WDR72: variants seen among roughly 807,000 people sequenced by gnomAD.
WDR72 encodes the protein WD repeat domain 72.
A neutral mutation model predicts 124.2 loss-of-function variants in WDR72; 120 were observed. The observed-to-expected ratio is 0.97, with a 90% CI of 0.83 to 1.12. The LOEUF (loss-of-function observed/expected upper bound fraction) is 1.12. Ranked by LOEUF, WDR72 falls within the 50% of genes most tolerant of loss-of-function variation. The pLI, the probability that WDR72 is intolerant of heterozygous loss-of-function variation, is 0.00. For synonymous variants in WDR72, 452 were observed against 441.7 expected, an observed-to-expected ratio of 1.02 and a Z score of -0.29; for missense variants, 1,387 against 1,278.8, an observed-to-expected ratio of 1.08 and a Z score of -1.29.
chr15:53,615,707 A>T lies in WDR72; in HGVS notation c.2499T>A (p.Ser833=). 1 of 1,612,340 alleles carries T rather than the reference A, an allele frequency of 6.2e-7. No individual in the cohort carries two copies. The highest frequency in any genetic ancestry group is 2.2e-5 in the East Asian group (1 of 44,832). Residue 833 remains serine, a synonymous_variant, in exon 15 of 20, where the codon TCT becomes TCA. Transcript: ENST00000360509. ...KLQGPISLGI[S]LNEDNFSLML... ...TCAGTGAGAAATTATCTTCATTCAAAGAAATTCCCAAAGAAATAGGACCCT... is the reference window on the plus strand; with the variant it reads ...TCAGTGAGAAATTATCTTCATTCAATGAAATTCCCAAAGAAATAGGACCCT...
chr15:53,666,848 G>A (rs909942585), intron 13 of WDR72, among the ~76,000 whole-genome samples: 1 of 152,000 alleles, frequency 6.6e-6, no homozygotes, highest in South Asian at 2.1e-4. Context: ...CTCTTCTATA[G>A]CCTTCTTTTA....
At chr15:53,676,813 C>T (rs911896558) in intron 13 of WDR72, among the ~76,000 whole-genome samples, 3 of 151,884 alleles carry the variant, frequency 2.0e-5, no homozygotes, top group African/African-American at 7.3e-5. Flanking sequence ...TTGTTATACG[C>T]AATAGGAAAT....
chr15:53,760,330 C>A (rs2019038789), upstream of WDR72, among the ~76,000 whole-genome samples: 1 of 151,014 alleles, frequency 6.6e-6, no homozygotes, highest in African/African-American at 2.4e-5. Flanking sequence ...CCCCACCCCC[C>A]ACTACCCTTC....
intron 13 of WDR72, among the ~76,000 whole-genome samples, chr15:53,692,396 C>A (rs190638356): frequency 3.9e-5 from 6 of 152,116 alleles, no homozygotes; most frequent in Admixed American, 3.9e-4. Flanking sequence ...AATAATGAAT[C>A]CTTAGTACAC....
At chr15:53,574,533 T>C (rs1030956225) in intron 18 of WDR72, among the ~76,000 whole-genome samples, 14 of 152,298 alleles carry the variant, frequency 9.2e-5, no homozygotes, top group African/African-American at 3.4e-4. Context: ...AAAATATGTA[T>C]CTCAGAACAA....
At chr15:53,636,892 T>C (rs1455958648) in intron 14 of WDR72, among the ~76,000 whole-genome samples, 1 of 152,222 alleles carries the variant, frequency 6.6e-6, no homozygotes, top group Admixed American at 6.5e-5. Context: ...TTGCATAGTA[T>C]ATAATTAATC....
rs944800143 is a variant in WDR72, at chr15:53,541,397, A to C, written c.3149-18075T>G. Among the ~76,000 whole-genome samples the C allele has an allele frequency of 8.7e-3, 1,325 of 151,432 alleles. 23 individuals are homozygous for C. The highest frequency in any genetic ancestry group is 0.03 in the African/African-American group (1,248 of 41,112). On this transcript the variant is annotated intron_variant, in intron 18 of 19. Transcript: ENST00000360509. ...AGCAGGGGCACACTGATACCTCACA[A>C]GGCAAGGTATTCCAACAGACCTGCA...
chr15:53,683,651 A>C (rs2016481723), intron 13 of WDR72, among the ~76,000 whole-genome samples: 1 of 152,164 alleles, frequency 6.6e-6, no homozygotes, highest in Non-Finnish European at 1.5e-5. Flanking sequence ...TTTTAAAAAC[A>C]CACACACAGA....
At chr15:53,756,067 A>G (rs143585811) in intron 1 of WDR72, among the ~76,000 whole-genome samples, 19 of 152,328 alleles carry the variant, frequency 1.2e-4, no homozygotes, top group African/African-American at 3.8e-4. Context: ...TCTAAAAATC[A>G]TATCAGCTTT....
intron 1 of WDR72, among the ~76,000 whole-genome samples, chr15:53,750,611 G>A (rs569068338): frequency 6.6e-6 from 1 of 152,244 alleles, no homozygotes; most frequent in East Asian, 1.9e-4. Context: ...AGATTCCTCT[G>A]ATATACCTGG....
chr15:53,528,238 C>T (rs1892235129), intron 18 of WDR72, among the ~76,000 whole-genome samples: 1 of 152,054 alleles, frequency 6.6e-6, no homozygotes, highest in African/African-American at 2.4e-5. Flanking sequence ...GTACACATCA[C>T]CCTTACTTTA....
At chr15:53,750,515 C>T (rs1468462831) in intron 1 of WDR72, among the ~76,000 whole-genome samples, 2 of 152,194 alleles carry the variant, frequency 1.3e-5, no homozygotes, top group Admixed American at 1.3e-4. Flanking sequence ...ATCCATTCTA[C>T]AGCCCATGGA....
chr15:53,712,424 G>A (rs945666245), intron 7 of WDR72, among the ~76,000 whole-genome samples: 2 of 151,942 alleles, frequency 1.3e-5, no homozygotes, highest in Admixed American at 6.6e-5. Flanking sequence ...GGTGAAACCC[G>A]GTCTCTCCTA....
intron 14 of WDR72, among the ~76,000 whole-genome samples, chr15:53,651,671 G>A (rs1016261350): frequency 6.6e-6 from 1 of 152,084 alleles, no homozygotes; most frequent in Non-Finnish European, 1.5e-5. Context: ...TGTTTGTTTT[G>A]AGACAGAATC....
In WDR72 at chr15:53,613,760, G is replaced by A. The variant is rs764158093; in HGVS notation, c.2781-3C>T. On this transcript the variant is annotated splice_region_variant and splice_polypyrimidine_tract_variant and intron_variant, in intron 15 of 19. Coordinates refer to ENST00000360509, the MANE Select transcript of WDR72 (RefSeq NM_182758.4). ...GTATACTTTCCATTCTGAAAGAACT[G>A]TTAGAAAAAAGATTGACAGCATATT... 2.5e-6 allele frequency: 4 copies of A among 1,587,190 alleles called. No homozygotes were observed. The highest frequency in any genetic ancestry group is 2.2e-5 in the East Asian group (1 of 44,584).
chr15:53,565,253 G>T (rs756118680), intron 18 of WDR72, among the ~76,000 whole-genome samples: 11 of 151,990 alleles, frequency 7.2e-5, no homozygotes, highest in African/African-American at 9.6e-5. Flanking sequence ...AACAAGAGAT[G>T]CAGTTTAAGA....
At chr15:53,690,877 C>T (rs893823535) in intron 13 of WDR72, among the ~76,000 whole-genome samples, 1 of 152,050 alleles carries the variant, frequency 6.6e-6, no homozygotes, top group African/African-American at 2.4e-5. Flanking sequence ...GAGGAAATGT[C>T]ATACAGTTTC....
chr15:53,720,556 G>T (rs947757499), intron 3 of WDR72, among the ~76,000 whole-genome samples: 1 of 152,070 alleles, frequency 6.6e-6, no homozygotes, highest in Non-Finnish European at 1.5e-5. Context: ...TTGTCTGAAG[G>T]TTTATTATTT....
At position 53,740,350 on chromosome 15, in the gene WDR72, C is replaced by T. The variant is rs1296931521; in HGVS notation, c.-12-7189G>A. Among the ~76,000 whole-genome samples, 3 of 149,592 alleles carry T rather than the reference C, an allele frequency of 2.0e-5. No individual in the cohort carries two copies. In the East Asian group the frequency reaches 5.9e-4, roughly 29 times the overall value. ...TGAGACGGAGTCTCTCTCTGTCGCC[C>T]AGGCTGGAGTGCAGTGGCGCGATCT... On this transcript the variant is annotated intron_variant, in intron 1 of 19. Coordinates refer to ENST00000360509, the MANE Select transcript of WDR72 (RefSeq NM_182758.4).
Sources: allele counts gnomAD v4.1 joint callset (sites outside exome capture counted in the v4.1 genomes callset), GRCh38; gene constraint gnomAD v4.1.1; transcripts MANE v1.5; gene names NCBI Gene and HGNC (gene_info 2026-07-23, HGNC 2026-07-21).